The following CNTN4 variants were observed in gnomAD, a reference collection of about 807,000 sequenced individuals.
CNTN4 encodes contactin 4, also known as contactin-4.
In CNTN4, 77 loss-of-function variants were observed where a neutral mutation model predicts 122.5. The ratio of observed to expected loss-of-function variants is 0.63; its 90% confidence interval spans 0.52 to 0.76. The LOEUF (loss-of-function observed/expected upper bound fraction) is 0.76, where lower values mean the gene tolerates loss of function less well. CNTN4 is among the 30% of genes least tolerant of loss of function. The pLI, the probability that CNTN4 is intolerant of heterozygous loss-of-function variation, is 0.00. For synonymous variants in CNTN4, 512 were observed against 447.0 expected (o/e 1.15, Z -1.83); for missense variants, 1,256 against 1,259.1 (o/e 1.00, Z 0.04).
intron 3 of CNTN4, among the ~76,000 whole-genome samples, chr3:2,566,028 C>T (rs1037123571): frequency 7.2e-5 from 11 of 152,212 alleles, no homozygotes; most frequent in African/African-American, 2.7e-4. Flanking sequence ...TGAATTAACA[C>T]TAGTGAAACG....
At chr3:2,113,980 T>C (rs760602977) in intron 2 of CNTN4, among the ~76,000 whole-genome samples, 21 of 152,204 alleles carry the variant, frequency 1.4e-4, no homozygotes, top group Non-Finnish European at 2.9e-4. Context: ...TGCATATACA[T>C]ATGAAAAGGC....
intron 18 of CNTN4, chr3:3,037,534 A>G (rs1699718105): frequency 1.5e-6 from 1 of 649,762 alleles, no homozygotes; most frequent in East Asian, 3.0e-5. Context: ...TTTCTTCATT[A>G]GGTCCACTTG....
At chr3:2,767,230 G>T (rs1348827584) in intron 6 of CNTN4, among the ~76,000 whole-genome samples, 1 of 152,172 alleles carries the variant, frequency 6.6e-6, no homozygotes, top group Non-Finnish European at 1.5e-5. Context: ...TCAGAGACAA[G>T]ATGAATGTGC....
chr3:2,752,466 A>G (rs929379985), intron 6 of CNTN4, among the ~76,000 whole-genome samples: 1 of 152,146 alleles, frequency 6.6e-6, no homozygotes, highest in African/African-American at 2.4e-5. Context: ...CCCGGGTCCA[A>G]GCGATTTTAC....
intron 4 of CNTN4, among the ~76,000 whole-genome samples, chr3:2,661,547 T>C (rs1250544450): frequency 6.6e-6 from 1 of 151,812 alleles, no homozygotes; most frequent in Non-Finnish European, 1.5e-5. Context: ...GCGTGGTGGC[T>C]CGTGCCTGTA....
intron 3 of CNTN4, among the ~76,000 whole-genome samples, chr3:2,340,309 A>G (rs2044134925): frequency 6.6e-6 from 1 of 152,096 alleles, no homozygotes; most frequent in Non-Finnish European, 1.5e-5. Flanking sequence ...GTCTCATTCC[A>G]TTGGTATACA....
intron 2 of CNTN4, 141 bp from the exon 3 acceptor site, chr3:2,339,037 A>T (rs2150351069): frequency 6.6e-6 from 1 of 152,236 alleles, no homozygotes; most frequent in Non-Finnish European, 1.5e-5. Context: ...TCTATACCAA[A>T]TGTATTTAAT....
At chr3:2,782,051 A>G (rs1458309766) in intron 6 of CNTN4, among the ~76,000 whole-genome samples, 2 of 152,036 alleles carry the variant, frequency 1.3e-5, no homozygotes, top group East Asian at 3.9e-4. Flanking sequence ...CTGGGTTGCC[A>G]TAAGAGGTTG....
At chr3:2,303,550 A>G (rs2042600090) in intron 2 of CNTN4, among the ~76,000 whole-genome samples, 1 of 152,244 alleles carries the variant, frequency 6.6e-6, no homozygotes, top group Admixed American at 6.5e-5. Context: ...GAAAAATATT[A>G]CATTGTATGG....
chr3:2,374,307 C>G (rs567936770), intron 3 of CNTN4, among the ~76,000 whole-genome samples: 29 of 152,296 alleles, frequency 1.9e-4, no homozygotes, highest in African/African-American at 6.3e-4. Flanking sequence ...GGTTACCCAG[C>G]TCCCTTAAAA....
chr3:2,614,979 G>T (rs2081649991), intron 4 of CNTN4, among the ~76,000 whole-genome samples: 1 of 152,090 alleles, frequency 6.6e-6, no homozygotes, highest in Non-Finnish European at 1.5e-5. Flanking sequence ...TTGAAAATTT[G>T]TTGACAACAC....
chr3:2,773,263 G>A (rs772361342), intron 6 of CNTN4, among the ~76,000 whole-genome samples: 3 of 152,036 alleles, frequency 2.0e-5, no homozygotes, highest in Non-Finnish European at 4.4e-5. Flanking sequence ...TATTTTTTCA[G>A]GTTGACAAAA....
intron 7 of CNTN4, among the ~76,000 whole-genome samples, chr3:2,851,505 G>A (rs991178191): frequency 2.6e-5 from 4 of 152,192 alleles, no homozygotes; most frequent in Non-Finnish European, 4.4e-5. Context: ...ACAGCACCTG[G>A]ATAGCCAATG....
intron 3 of CNTN4, among the ~76,000 whole-genome samples, chr3:2,487,922 A>G (rs2076208700): frequency 6.6e-6 from 1 of 152,218 alleles, no homozygotes; most frequent in African/African-American, 2.4e-5. Flanking sequence ...AGAGAGTTAT[A>G]TTATGACTTG....
chr3:2,998,516 G>T (rs1695740644), intron 14 of CNTN4, among the ~76,000 whole-genome samples: 1 of 152,130 alleles, frequency 6.6e-6, no homozygotes, highest in South Asian at 2.1e-4. Flanking sequence ...ACCTTTAGGA[G>T]TAGATACTGA....
chr3:2,606,412 T>A (rs189084630), intron 4 of CNTN4, among the ~76,000 whole-genome samples: 1 of 152,234 alleles, frequency 6.6e-6, no homozygotes, highest in Non-Finnish European at 1.5e-5. Context: ...AGGTGATAGG[T>A]TGATAGGTGC....
chr3:2,927,509 T>A, intron 13 of CNTN4: 1 of 298,984 alleles, frequency 3.3e-6, no homozygotes, highest in Admixed American at 4.2e-5. Flanking sequence ...GGAAATATAA[T>A]CTTGCTATGT....
intron 8 of CNTN4, among the ~76,000 whole-genome samples, chr3:2,867,515 G>A (rs2093737309): frequency 6.6e-6 from 1 of 152,086 alleles, no homozygotes; most frequent in African/African-American, 2.4e-5. Flanking sequence ...AAAAATCACT[G>A]TGTACTTTGT....
At position 2,487,810 on chromosome 3, in the gene CNTN4, T is replaced by C. The variant is rs765376844; in HGVS notation, c.-88-83606T>C. Among the ~76,000 whole-genome samples, 50 of 152,340 alleles carry C rather than the reference T, an allele frequency of 3.3e-4. 1 individual carries two copies. The highest frequency in any genetic ancestry group is 2.9e-4 in the Non-Finnish European group (20 of 68,022). Reference sequence around the variant, plus strand: ...CCAATCTCCTATTGTATTTGGCACATAGAGTTGAAAGGAAACAATATTAGC... The same window carrying C: ...CCAATCTCCTATTGTATTTGGCACACAGAGTTGAAAGGAAACAATATTAGC... On this transcript the variant is annotated intron_variant, in intron 3 of 24. Transcript: ENST00000418658.
Sources: gnomAD v4.1 joint callset for allele counts (sites outside exome capture counted in the v4.1 genomes callset) on GRCh38, gnomAD v4.1.1 for gene constraint, MANE v1.5 for transcripts, NCBI Gene and HGNC (gene_info 2026-07-23, HGNC 2026-07-21) for gene names.